COL14A1: variants seen among roughly 807,000 people sequenced by gnomAD.
The protein encoded by COL14A1 is collagen alpha-1(XIV) chain.
In COL14A1, 136 loss-of-function variants were observed where a neutral mutation model predicts 230.3. The ratio of observed to expected loss-of-function variants is 0.59; its 90% confidence interval spans 0.51 to 0.68. The LOEUF (loss-of-function observed/expected upper bound fraction) is 0.68. COL14A1 is among the 30% of genes least tolerant of loss of function. The probability of loss-of-function intolerance (pLI) is 0.00; values close to 1 mark genes in which losing one functional copy is unlikely to be tolerated. For missense variants in COL14A1, 1,976 were observed against 2,215.8 expected (o/e 0.89, Z 2.17); for synonymous variants, 792 against 784.1 (o/e 1.01, Z -0.17).
At chr8:120,313,657 A>G (rs1439438311) in intron 37 of COL14A1, among the ~76,000 whole-genome samples, 2 of 152,140 alleles carry the variant, frequency 1.3e-5, no homozygotes, top group South Asian at 2.1e-4. Flanking sequence ...CATTACTTAC[A>G]TAATTGGCAT....
chr8:120,154,904 G>A (rs971229333), intron 2 of COL14A1, among the ~76,000 whole-genome samples: 5 of 152,162 alleles, frequency 3.3e-5, no homozygotes, highest in African/African-American at 4.8e-5. Context: ...GGCACTTAAA[G>A]CATTTCTGTC....
chr8:120,182,871 C>A (rs924958730), intron 5 of COL14A1, among the ~76,000 whole-genome samples: 4 of 151,530 alleles, frequency 2.6e-5, no homozygotes, highest in Admixed American at 6.6e-5. Context: ...GGACTACAGG[C>A]GTGTGACACC....
chr8:120,146,450 T>C lies in COL14A1; in HGVS notation c.-37-1356T>C, dbSNP rs534620981. ...AACTATACCTTACTATAGTAAGGTATACCTTAACTATCCTTTACCAACTAT... is the reference window on the plus strand; with the variant it reads ...AACTATACCTTACTATAGTAAGGTACACCTTAACTATCCTTTACCAACTAT... On this transcript the variant is annotated intron_variant, in intron 1 of 47. Transcript: ENST00000297848. Among the ~76,000 whole-genome samples, 6 of 152,282 alleles carry C rather than the reference T, an allele frequency of 3.9e-5. No individual in the cohort carries two copies. In the South Asian group the frequency reaches 1.2e-3, roughly 32 times the overall value.
At chr8:120,237,216 T>A (rs1818473086) in intron 19 of COL14A1, among the ~76,000 whole-genome samples, 1 of 152,238 alleles carries the variant, frequency 6.6e-6, no homozygotes, top group Non-Finnish European at 1.5e-5. Flanking sequence ...TCCAACTTCG[T>A]TCCATTCTCC....
rs982662436 is a variant in COL14A1, at chr8:120,314,102, G to A, written c.4551+75G>A. On this transcript the variant is annotated intron_variant, in intron 38 of 47. Coordinates refer to ENST00000297848, the MANE Select transcript of COL14A1 (RefSeq NM_021110.4). ...ATGAGGTTACAAAGAATGAACTTTT[G>A]TCTTCTGTGTCTTAATAATGAACCT... 12 of 1,031,130 alleles carry A rather than the reference G, an allele frequency of 1.2e-5. No homozygotes were observed. The Admixed American group carries it at 2.8e-4, about 24-fold the overall frequency. 63.9% of individuals were successfully genotyped at this position (1,031,130 alleles called of 1,614,324 possible).
At chr8:120,285,463 C>CAAAAAAAAA (rs1218052645) in intron 32 of COL14A1, among the ~76,000 whole-genome samples, 4 of 64,986 alleles carry the variant, frequency 6.2e-5, no homozygotes, top group Admixed American at 2.0e-4. Context: ...GACTCCATCT[C>CAAAAAAAAA]AAAAAAAAAA....
chr8:120,260,257 T>C (rs1819281306), intron 23 of COL14A1, among the ~76,000 whole-genome samples: 1 of 152,142 alleles, frequency 6.6e-6, no homozygotes, highest in African/African-American at 2.4e-5. Flanking sequence ...TAAAATAACA[T>C]ATATCATGTT....
intron 31 of COL14A1, 97 bp downstream of exon 31, chr8:120,281,156 T>C (rs1820026189): frequency 8.8e-7 from 1 of 1,131,412 alleles, no homozygotes. Flanking sequence ...TAGTCCCAGG[T>C]AGGATTTTCC....
In COL14A1 at chr8:120,274,024, T is replaced by C. The variant is rs148891484; in HGVS notation, c.3213+3850T>C. Among the ~76,000 whole-genome samples, 194 of 151,622 alleles carry C rather than the reference T, an allele frequency of 1.3e-3. 2 individuals carry two copies. Among genetic ancestry groups the C allele is most frequent in the African/African-American group, 4.4e-3 (183 of 41,444 alleles). ...ATACAAAAACCAGTAGAGGACATAATGAAAAAGAAAATTACATGCCAACAT... is the reference window on the plus strand; with the variant it reads ...ATACAAAAACCAGTAGAGGACATAACGAAAAAGAAAATTACATGCCAACAT... On this transcript the variant is annotated intron_variant, in intron 26 of 47. Transcript: ENST00000297848.
chr8:120,238,855 G>A (rs1818532142), intron 19 of COL14A1, among the ~76,000 whole-genome samples: 1 of 152,108 alleles, frequency 6.6e-6, no homozygotes, highest in South Asian at 2.1e-4. Context: ...CCTTGGCTAG[G>A]GGAGGGAGTT....
At chr8:120,255,585 C>G (rs1446986059) in intron 23 of COL14A1, among the ~76,000 whole-genome samples, 2 of 152,130 alleles carry the variant, frequency 1.3e-5, no homozygotes, top group Non-Finnish European at 2.9e-5. Context: ...AGCCATAGTG[C>G]TGATTTTTTA....
At chr8:120,130,540 C>T (rs923512207) in intron 1 of COL14A1, among the ~76,000 whole-genome samples, 3 of 152,036 alleles carry the variant, frequency 2.0e-5, no homozygotes, top group African/African-American at 7.2e-5. Context: ...AAACAAAAAT[C>T]ACTGTGCATT....
chr8:120,220,624 C>T (rs1411671803), intron 14 of COL14A1, among the ~76,000 whole-genome samples: 1 of 152,160 alleles, frequency 6.6e-6, no homozygotes, highest in Non-Finnish European at 1.5e-5. Flanking sequence ...TTCTGCTTCG[C>T]TTCCTCTCAT....
At chr8:120,172,797 C>T (rs773260068) in intron 5 of COL14A1, among the ~76,000 whole-genome samples, 12 of 152,134 alleles carry the variant, frequency 7.9e-5, no homozygotes, top group Non-Finnish European at 1.6e-4. Flanking sequence ...TGTGAGGGTG[C>T]CTCCCTTACA....
At chr8:120,138,158 C>G (rs1328763477) in intron 1 of COL14A1, among the ~76,000 whole-genome samples, 1 of 152,014 alleles carries the variant, frequency 6.6e-6, no homozygotes, top group Non-Finnish European at 1.5e-5. Context: ...ATCAATATAT[C>G]TATATACCAA....
At chr8:120,212,702 A>C in intron 13 of COL14A1, 125 bp downstream of exon 13, 45 of 1,028,570 alleles carry the variant, frequency 4.4e-5, no homozygotes, top group Non-Finnish European at 6.0e-5. Context: ...TAAAAATCTC[A>C]TGTTCTATTT....
At chr8:120,232,500 G>A (rs989028112) in intron 19 of COL14A1, among the ~76,000 whole-genome samples, 1 of 152,218 alleles carries the variant, frequency 6.6e-6, no homozygotes. Context: ...TCCCACTTAT[G>A]AGTGAGAACA....
At position 120,143,114 on chromosome 8, in the gene COL14A1, C is replaced by T. The variant is rs888776770; in HGVS notation, c.-37-4692C>T. On this transcript the variant is annotated intron_variant, in intron 1 of 47. Transcript: ENST00000297848. Reference sequence around the variant, plus strand: ...TTGTAGGAGTTATAGAACCCAACATCCCACTTGATACAGTTTTTCCTTCAC... The same window carrying T: ...TTGTAGGAGTTATAGAACCCAACATTCCACTTGATACAGTTTTTCCTTCAC... Among the ~76,000 whole-genome samples, 13 of 152,154 alleles carry T rather than the reference C, an allele frequency of 8.5e-5. No homozygotes were observed. The South Asian group carries it at 1.9e-3, about 22-fold the overall frequency.
chr8:120,274,078 C>G (rs1490790433), intron 26 of COL14A1, among the ~76,000 whole-genome samples: 1 of 151,672 alleles, frequency 6.6e-6, no homozygotes, highest in East Asian at 1.9e-4. Flanking sequence ...CAAAAATAAT[C>G]AACAAAATAC....
Sources: allele counts gnomAD v4.1 joint callset (sites outside exome capture counted in the v4.1 genomes callset), GRCh38; gene constraint gnomAD v4.1.1; transcripts MANE v1.5; gene names NCBI Gene and HGNC (gene_info 2026-07-23, HGNC 2026-07-21).